The following GABBR2 variants were observed in gnomAD, a reference collection of about 807,000 sequenced individuals.
GABBR2 encodes the protein gamma-aminobutyric acid type B receptor subunit 2, also known as G-protein coupled receptor 51.
A neutral mutation model predicts 105.6 loss-of-function variants in GABBR2; 23 were observed. The ratio of observed to expected loss-of-function variants is 0.22; its 90% CI spans 0.16 to 0.31. GABBR2 has a LOEUF of 0.31. GABBR2 is among the 10% of genes least tolerant of loss of function. GABBR2 has a pLI of 1.00. For missense variants in GABBR2, 734 were observed against 1,245.5 expected (o/e 0.59, Z 6.18); for synonymous variants, 478 against 499.7 (o/e 0.96, Z 0.58).
intron 3 of GABBR2, among the ~76,000 whole-genome samples, chr9:98,499,914 T>C (rs1189522647): frequency 6.6e-6 from 1 of 151,978 alleles, no homozygotes; most frequent in Admixed American, 6.6e-5. Flanking sequence ...TAGCCAGGCA[T>C]TAGTGGCACG....
At chr9:98,356,192 G>A (rs1021807622) in intron 13 of GABBR2, among the ~76,000 whole-genome samples, 1 of 152,190 alleles carries the variant, frequency 6.6e-6, no homozygotes, top group African/African-American at 2.4e-5. Flanking sequence ...TAATAAGCTC[G>A]ATTTCATTAA....
chr9:98,572,860 C>T (rs1428464473), intron 2 of GABBR2, among the ~76,000 whole-genome samples: 1 of 150,778 alleles, frequency 6.6e-6, no homozygotes, highest in Non-Finnish European at 1.5e-5. Context: ...CAGTTCCAAG[C>T]CCCCCCAGCA....
intron 2 of GABBR2, among the ~76,000 whole-genome samples, chr9:98,562,176 A>G (rs1160286082): frequency 6.6e-6 from 1 of 152,218 alleles, no homozygotes; most frequent in Non-Finnish European, 1.5e-5. Context: ...TGGGAAGAAC[A>G]CAGCATAAAA....
intron 4 of GABBR2, among the ~76,000 whole-genome samples, chr9:98,489,689 A>G (rs1037596614): frequency 7.2e-5 from 11 of 152,028 alleles, no homozygotes; most frequent in African/African-American, 2.7e-4. Context: ...GAGAGAGCCC[A>G]ACAGTCTGCC....
At chr9:98,665,546 C>A (rs905356595) in intron 1 of GABBR2, among the ~76,000 whole-genome samples, 1 of 152,104 alleles carries the variant, frequency 6.6e-6, no homozygotes, top group African/African-American at 2.4e-5. Flanking sequence ...ACCCAGCAGA[C>A]CCTATAGTAC....
At chr9:98,382,065 G>A (rs1026557378) in intron 11 of GABBR2, among the ~76,000 whole-genome samples, 4 of 152,138 alleles carry the variant, frequency 2.6e-5, no homozygotes, top group African/African-American at 9.7e-5. Context: ...AGTTTCTAAA[G>A]GCTGGGCAGC....
chr9:98,412,883 C>T (rs1359051450), intron 7 of GABBR2, among the ~76,000 whole-genome samples: 3 of 152,208 alleles, frequency 2.0e-5, no homozygotes, highest in African/African-American at 7.2e-5. Flanking sequence ...TTGCTGGGTT[C>T]CCCACTCAGT....
rs58390852 is a variant in GABBR2 at position 98,473,219 on chromosome 9, G to A, written c.926C>T (p.Ala309Val). Residue 309 changes from alanine to valine, a missense_variant, in exon 6 of 19, where the codon GCT becomes GTT. By Grantham distance (64) the Ala-to-Val change is moderately conservative. This residue lies in a region of GABBR2 where 370 missense variants were observed against 648.9 expected (regional missense o/e 0.57). Coordinates refer to ENST00000259455, the MANE Select transcript of GABBR2 (RefSeq NM_005458.8). ...CACGCCAATGTAGCCCTCCATGGCA[G>A]CAAGCAGATTCTTCCGGAGGCAGCG... ...SSRCLRKNLLAAMEGYIGVDF... is the reference protein window; with the variant it reads ...SSRCLRKNLLVAMEGYIGVDF... The A allele has an allele frequency of 6.2e-7, 1 of 1,613,884 alleles. No homozygotes were observed.
chr9:98,641,597 G>GTGC (rs1309830838), intron 1 of GABBR2, among the ~76,000 whole-genome samples: 1 of 152,208 alleles, frequency 6.6e-6, no homozygotes, highest in East Asian at 1.9e-4. Flanking sequence ...GTGGCACACA[G>GTGC]TGCTGCTCAT....
chr9:98,672,208 C>T (rs1335739451), intron 1 of GABBR2, among the ~76,000 whole-genome samples: 1 of 152,070 alleles, frequency 6.6e-6, no homozygotes, highest in African/African-American at 2.4e-5. Flanking sequence ...AAAACAACTC[C>T]CTATTTCCCC....
intron 3 of GABBR2, among the ~76,000 whole-genome samples, chr9:98,529,143 G>A (rs373244239): frequency 2.0e-5 from 3 of 149,498 alleles, no homozygotes; most frequent in South Asian, 2.1e-4. Context: ...TGAAATGGCC[G>A]GCCAAAAAAA....
rs112569615 is a variant in GABBR2 at position 98,634,329 on chromosome 9, T to G, written c.322-56257A>C. Among the ~76,000 whole-genome samples the G allele has an allele frequency of 7.0e-4, 107 of 152,332 alleles. 1 individual carries two copies. The highest frequency in any genetic ancestry group is 2.4e-3 in the African/African-American group (100 of 41,568). ...GGATTGCCTAGTGTCCCCGTGAAAT[T>G]CACGTCCACCTGGAACCCCAGAATG... On this transcript the variant is annotated intron_variant, in intron 1 of 18. Coordinates refer to ENST00000259455, the MANE Select transcript of GABBR2 (RefSeq NM_005458.8).
chr9:98,627,729 G>A (rs769285152), intron 1 of GABBR2, among the ~76,000 whole-genome samples: 3 of 152,206 alleles, frequency 2.0e-5, no homozygotes, highest in Admixed American at 6.5e-5. Context: ...CATTCTCCTC[G>A]GTGTCTGTCC....
intron 1 of GABBR2, among the ~76,000 whole-genome samples, chr9:98,671,142 G>T (rs1830401622): frequency 1.3e-5 from 2 of 151,806 alleles, no homozygotes; most frequent in African/African-American, 4.8e-5. Flanking sequence ...AGCAACCACT[G>T]CCACCCCCCC....
Position 98,340,147 on chromosome 9 carries a change from G to GA in GABBR2, c.1893+22567dup, listed in dbSNP as rs563482782. On this transcript the variant is annotated intron_variant, in intron 13 of 18. Transcript: ENST00000259455. Reference sequence around the variant, plus strand: ...GTTCTCAGTGGACAAGTGCTGTGATGAAAAAAGAACATTTATTGCTTTAAT... The same window carrying GA: ...GTTCTCAGTGGACAAGTGCTGTGATGAAAAAAAGAACATTTATTGCTTTAAT... 1.7e-4 allele frequency among the ~76,000 whole-genome samples: 25 copies of GA among 150,906 alleles called. No individual in the cohort carries two copies. In the East Asian group the frequency reaches 4.1e-3, roughly 25 times the overall value.
intron 13 of GABBR2, among the ~76,000 whole-genome samples, chr9:98,353,176 C>G (rs1407724496): frequency 6.6e-6 from 1 of 152,144 alleles, no homozygotes; most frequent in Non-Finnish European, 1.5e-5. Flanking sequence ...TCTATTTTCC[C>G]CACTGTGGAG....
chr9:98,444,092 G>A (rs1431541997), intron 7 of GABBR2, among the ~76,000 whole-genome samples: 1 of 152,178 alleles, frequency 6.6e-6, no homozygotes, highest in African/African-American at 2.4e-5. Flanking sequence ...ATTGAACTTT[G>A]CTGAGCCTGT....
chr9:98,504,397 G>C (rs1387909369), intron 3 of GABBR2, among the ~76,000 whole-genome samples: 1 of 152,188 alleles, frequency 6.6e-6, no homozygotes, highest in Non-Finnish European at 1.5e-5. Flanking sequence ...AGCTTCTATG[G>C]CCAGTAGTTC....
intron 8 of GABBR2, among the ~76,000 whole-genome samples, chr9:98,400,293 T>C (rs1440145126): frequency 2.6e-5 from 4 of 151,612 alleles, no homozygotes; most frequent in African/African-American, 9.7e-5. Context: ...TCCAAACTCA[T>C]TAGGAATCAG....
Sources: allele counts gnomAD v4.1 joint callset (sites outside exome capture counted in the v4.1 genomes callset), GRCh38; gene constraint gnomAD v4.1.1; regional missense constraint gnomAD v4.1.1; transcripts MANE v1.5; gene names NCBI Gene and HGNC (gene_info 2026-07-23, HGNC 2026-07-21).